ADGRL3: variants seen among roughly 807,000 people sequenced by gnomAD.
ADGRL3 encodes the protein calcium-independent alpha-latrotoxin receptor 3.
A neutral mutation model predicts 153.5 loss-of-function variants in ADGRL3; 62 were observed. The ratio of observed to expected loss-of-function variants is 0.40; its 90% CI spans 0.33 to 0.50. The LOEUF (loss-of-function observed/expected upper bound fraction) is 0.50. Among genes scored for constraint, ADGRL3 ranks in the 20% least tolerant of loss-of-function variants. ADGRL3 has a pLI of 0.47. For synonymous variants in ADGRL3, 710 were observed against 672.5 expected (o/e 1.06, Z -0.86); for missense variants, 1,641 against 1,859.4 (o/e 0.88, Z 2.16).
At chr4:61,743,382 G>T (rs1044247796) in intron 8 of ADGRL3, among the ~76,000 whole-genome samples, 3 of 151,262 alleles carry the variant, frequency 2.0e-5, no homozygotes, top group African/African-American at 4.9e-5. Flanking sequence ...AAACATACAG[G>T]AGTAAGTGAA....
chr4:61,779,285 C>A (rs2097187044), intron 8 of ADGRL3, among the ~76,000 whole-genome samples: 1 of 151,710 alleles, frequency 6.6e-6, no homozygotes, highest in Non-Finnish European at 1.5e-5. Flanking sequence ...ATTGTCAGGT[C>A]CCACCTTAGA....
intron 8 of ADGRL3, among the ~76,000 whole-genome samples, chr4:61,765,585 G>A (rs918798286): frequency 3.4e-4 from 52 of 152,124 alleles, no homozygotes; most frequent in Non-Finnish European, 5.4e-4. Flanking sequence ...ATAAAGGCTC[G>A]TCTGTTATCA....
rs577906423 is a variant in ADGRL3 at position 61,970,016 on chromosome 4, T to G, written c.2806-9547T>G. Among the ~76,000 whole-genome samples the G allele has an allele frequency of 5.3e-5, 8 of 152,292 alleles. No individual in the cohort carries two copies. In the South Asian group the frequency reaches 1.7e-3, roughly 32 times the overall value. ...TTTACTGCTAAAACTAAGACAGTAG[T>G]GAGCAAACCTGGGCAGTTGGTTGCC... is the stretch of plus-strand genomic sequence containing the variant. On this transcript the variant is annotated intron_variant, in intron 17 of 26. Transcript: ENST00000683033.
At chr4:61,808,772 A>C (rs2148544989) in intron 8 of ADGRL3, among the ~76,000 whole-genome samples, 1 of 141,216 alleles carries the variant, frequency 7.1e-6, no homozygotes, top group East Asian at 2.1e-4. Context: ...AGTAGAGATT[A>C]TTTCCAACAA....
rs973677682 is a variant in ADGRL3 at position 61,841,021 on chromosome 4, G to T, written c.1480+27132G>T. ...GGGGAGTAATAACTAGATGCTAGGTGTACTTAACATTGTGAACTAAAGATT... is the reference window on the plus strand; with the variant it reads ...GGGGAGTAATAACTAGATGCTAGGTTTACTTAACATTGTGAACTAAAGATT... On this transcript the variant is annotated intron_variant, in intron 9 of 26. Transcript: ENST00000683033. 4.1e-5 allele frequency among the ~76,000 whole-genome samples: 5 copies of T among 121,156 alleles called. No homozygotes were observed. In the South Asian group the frequency reaches 1.3e-3, roughly 32 times the overall value. 79.5% of individuals were successfully genotyped at this position (121,156 alleles called of 152,430 possible). A position where few individuals can be genotyped will look rare whatever the true frequency, so the allele number is the denominator to read the frequency against.
At chr4:61,462,837 A>G (rs974063449) in intron 2 of ADGRL3, among the ~76,000 whole-genome samples, 1 of 152,132 alleles carries the variant, frequency 6.6e-6, no homozygotes, top group Non-Finnish European at 1.5e-5. Flanking sequence ...ATTCTTGGCA[A>G]AAGGAAGAGA....
chr4:61,291,742 T>C (rs1435491907), intron 1 of ADGRL3, among the ~76,000 whole-genome samples: 1 of 150,376 alleles, frequency 6.6e-6, no homozygotes, highest in Non-Finnish European at 1.5e-5. Context: ...AAATTATCCT[T>C]ATACTGTTCT....
At chr4:61,487,749 G>A (rs914061930) in intron 2 of ADGRL3, among the ~76,000 whole-genome samples, 30 of 151,928 alleles carry the variant, frequency 2.0e-4, no homozygotes, top group African/African-American at 6.8e-4. Context: ...TAGTTATCAT[G>A]AATATTTGAG....
At chr4:61,818,735 C>A (rs991641605) in intron 9 of ADGRL3, among the ~76,000 whole-genome samples, 4 of 152,076 alleles carry the variant, frequency 2.6e-5, no homozygotes, top group Non-Finnish European at 4.4e-5. Flanking sequence ...CTGATAGATT[C>A]TACTTCTTAT....
intron 5 of ADGRL3, among the ~76,000 whole-genome samples, chr4:61,660,636 T>C (rs998467037): frequency 1.3e-5 from 2 of 152,150 alleles, no homozygotes; most frequent in Non-Finnish European, 2.9e-5. Flanking sequence ...CTAACTAAGC[T>C]GTTGATGAAT....
intron 6 of ADGRL3, among the ~76,000 whole-genome samples, chr4:61,695,458 G>A (rs1190071856): frequency 6.6e-6 from 1 of 152,128 alleles, no homozygotes; most frequent in Non-Finnish European, 1.5e-5. Context: ...TCCACAGTGG[G>A]ATTAACATTT....
intron 4 of ADGRL3, chr4:61,583,827 C>A: frequency 2.0e-6 from 1 of 489,550 alleles, no homozygotes. Context: ...TAACAGATTA[C>A]CTCATGGAAT....
rs572830206 is a variant in ADGRL3, at chr4:61,520,938, C to T, written c.259+3420C>T. 5.3e-5 allele frequency among the ~76,000 whole-genome samples: 8 copies of T among 152,146 alleles called. No homozygotes were observed. The South Asian group carries it at 1.7e-3, about 32-fold the overall frequency. The stretch of plus-strand genomic sequence containing the variant: ...TGCACCACTCCTCCCCTCCAGAGCA[C>T]CAACAACCAACTGGTACTTGCCTTC... On this transcript the variant is annotated intron_variant, in intron 4 of 26. Transcript: ENST00000683033.
intron 9 of ADGRL3, among the ~76,000 whole-genome samples, chr4:61,833,510 C>A (rs971864073): frequency 2.0e-5 from 3 of 151,994 alleles, no homozygotes; most frequent in Non-Finnish European, 2.9e-5. Flanking sequence ...GAGATAAAAT[C>A]ATAGGGAGTC....
intron 20 of ADGRL3, among the ~76,000 whole-genome samples, chr4:61,997,513 G>GT: frequency 7.4e-6 from 1 of 134,944 alleles, no homozygotes; most frequent in South Asian, 2.3e-4. Context: ...TAATCAAGTG[G>GT]TAAAGGGCAA....
chr4:61,596,027 G>A (rs1419451994), intron 5 of ADGRL3, among the ~76,000 whole-genome samples: 1 of 152,118 alleles, frequency 6.6e-6, no homozygotes, highest in East Asian at 1.9e-4. Context: ...GACCACAGCC[G>A]GGGAATGGGG....
chr4:61,554,903 TAATA>T (rs1007149297), intron 4 of ADGRL3, among the ~76,000 whole-genome samples: 1 of 151,770 alleles, frequency 6.6e-6, no homozygotes, highest in African/African-American at 2.4e-5. Context: ...TAACAAAGAG[TAATA>T]AAGTATGGAG....
chr4:61,444,406 C>T (rs1277599423), intron 2 of ADGRL3, among the ~76,000 whole-genome samples: 1 of 152,114 alleles, frequency 6.6e-6, no homozygotes, highest in African/African-American at 2.4e-5. Flanking sequence ...TTGATATCCC[C>T]AGCCAGCCCC....
Position 61,934,971 on chromosome 4 carries a change from G to A in ADGRL3, c.2244G>A (p.Leu748=). 1 of 1,613,794 alleles carries A rather than the reference G, an allele frequency of 6.2e-7. No homozygotes were observed. Among genetic ancestry groups the A allele is most frequent in the South Asian group, 1.1e-5 (1 of 91,076 alleles). The part of the protein sequence containing the change: ...LHTVEESAFV[L]ADNLLKTDIV... Reference sequence around the variant, plus strand: ...CTGTGGAGGAAAGTGCTTTTGTGCTGGCTGATAACCTTTTGAAGACTGACA... The same window carrying A: ...CTGTGGAGGAAAGTGCTTTTGTGCTAGCTGATAACCTTTTGAAGACTGACA... The change falls in exon 14 of 27, where the codon CTG becomes CTA. Residue 748 remains leucine, a synonymous_variant. Coordinates refer to ENST00000683033, the MANE Select transcript of ADGRL3 (RefSeq NM_001387552.1).
Sources: allele counts gnomAD v4.1 joint callset (sites outside exome capture counted in the v4.1 genomes callset), GRCh38; gene constraint gnomAD v4.1.1; transcripts MANE v1.5; gene names NCBI Gene and HGNC (gene_info 2026-07-23, HGNC 2026-07-21).